MAN2A2: variants seen among roughly 807,000 people sequenced by gnomAD.
MAN2A2 encodes mannosidase alpha class 2A member 2.
MAN2A2 carries 79 observed loss-of-function variants against 126.8 expected under a neutral mutation model. The ratio of observed to expected loss-of-function variants is 0.62; its 90% CI spans 0.52 to 0.75. The LOEUF (loss-of-function observed/expected upper bound fraction) is 0.75, where lower values mean the gene tolerates loss of function less well. MAN2A2 is among the 30% of genes least tolerant of loss of function. The pLI is 0.00. For missense variants in MAN2A2, 1,392 were observed against 1,522.4 expected (o/e 0.91, Z 1.43); for synonymous variants, 671 against 618.7 (o/e 1.08, Z -1.25).
chr15:90,906,115 A>G, intron 5 of MAN2A2, 99 bp downstream of exon 5: 2 of 1,512,566 alleles, frequency 1.3e-6, no homozygotes, highest in East Asian at 4.5e-5. Flanking sequence ...TGGCAGGGAG[A>G]GGCCCAGAGA....
intron 19 of MAN2A2, 166 bp from the exon 20 acceptor site, chr15:90,915,957 A>G: frequency 3.1e-6 from 2 of 640,944 alleles, no homozygotes; most frequent in Non-Finnish European, 2.6e-6. Context: ...GCCCCTCATC[A>G]GGTTCCCTCC....
intron 19 of MAN2A2, among the ~76,000 whole-genome samples, chr15:90,914,388 C>A (rs2035010464): frequency 6.6e-6 from 1 of 152,192 alleles, no homozygotes; most frequent in East Asian, 1.9e-4. Context: ...GGTGTGCAAC[C>A]CTCTTCTGGG....
chr15:90,909,546 C>T (rs1326020809), intron 9 of MAN2A2, 42 bp downstream of exon 9: 1 of 1,570,912 alleles, frequency 6.4e-7, no homozygotes, highest in Admixed American at 1.8e-5. Context: ...CACAGTGCTG[C>T]AGCCCATCCC....
intron 20 of MAN2A2, among the ~76,000 whole-genome samples, chr15:90,916,836 T>C (rs2035225944): frequency 6.6e-6 from 1 of 152,192 alleles, no homozygotes; most frequent in African/African-American, 2.4e-5. Context: ...TCCCAGGAGT[T>C]TACTCGTGAG....
rs149181282 is a variant in MAN2A2, at chr15:90,906,382, C to G, written c.720C>G (p.Asn240Lys). Residue 240 changes from asparagine to lysine, a missense_variant, in exon 6 of 23, where the codon AAC becomes AAG. Transcript: ENST00000559717. Reference protein sequence around the residue: ...KRAAVRRLVGNGQLEIATGGW... With the variant: ...KRAAVRRLVGKGQLEIATGGW... ...TCCTTAACTATAGGCTGGTGGGAAA[C>G]GGGCAGCTGGAGATTGCGACAGGAG... 34 of 1,613,958 alleles carry G rather than the reference C, an allele frequency of 2.1e-5. No individual in the cohort carries two copies. The highest frequency in any genetic ancestry group is 2.7e-5 in the Non-Finnish European group (32 of 1,179,992).
intron 19 of MAN2A2, chr15:90,915,911 A>T: frequency 3.8e-6 from 2 of 528,698 alleles, no homozygotes; most frequent in South Asian, 5.7e-5. Context: ...TCTGGACCTC[A>T]TGCTTCCTCA....
Position 90,910,691 on chromosome 15 carries a change from C to T in MAN2A2, c.1760+8C>T. On this transcript the variant is annotated splice_region_variant and intron_variant, in intron 11 of 22. Coordinates refer to ENST00000559717, the MANE Select transcript of MAN2A2 (RefSeq NM_006122.4). ...GGTGGACTATGGGGTCAGGTGGGAG[C>T]CTTCTCTTTTCCCTTGTAAGCTCCC... 1.2e-6 allele frequency: 2 copies of T among 1,613,282 alleles called. No individual in the cohort carries two copies. The highest frequency in any genetic ancestry group is 8.5e-7 in the Non-Finnish European group (1 of 1,179,848).
Position 90,912,140 on chromosome 15 carries a change from T to G in MAN2A2, c.2207T>G (p.Ile736Ser). Residue 736 changes from isoleucine to serine, a missense_variant, in exon 15 of 23, where the codon ATC (isoleucine) becomes AGC (serine). Physicochemically the swap from Ile to Ser is moderately radical, Grantham distance 142. Coordinates refer to ENST00000559717, the MANE Select transcript of MAN2A2 (RefSeq NM_006122.4). Reference sequence around the variant, plus strand: ...CGCACGCTGCCCTCCTCTGTGCGCATCTACCTGCACGGCCGGCAGCTGTCC... The same window carrying G: ...CGCACGCTGCCCTCCTCTGTGCGCAGCTACCTGCACGGCCGGCAGCTGTCC... The part of the protein sequence containing the change: ...GHRTLPSSVR[I>S]YLHGRQLSVS... The G allele has an allele frequency of 6.2e-7, 1 of 1,613,898 alleles. No individual in the cohort carries two copies. The highest frequency in any genetic ancestry group is 8.5e-7 in the Non-Finnish European group (1 of 1,179,948).
chr15:90,911,313 C>T, intron 13 of MAN2A2, 72 bp from the exon 14 acceptor site: 1 of 1,612,970 alleles, frequency 6.2e-7, no homozygotes, highest in Non-Finnish European at 8.5e-7. Flanking sequence ...CCAGCATGTG[C>T]TGAACCAGTG....
At chr15:90,906,235 A>C in intron 5 of MAN2A2, 135 bp from the exon 6 acceptor site, 1 of 1,320,388 alleles carries the variant, frequency 7.6e-7, no homozygotes. Flanking sequence ...AAGGAGGGCA[A>C]GTGTGTGTTC....
chr15:90,906,229 A>C, intron 5 of MAN2A2, 141 bp from the exon 6 acceptor site: 2 of 1,306,612 alleles, frequency 1.5e-6, no homozygotes, highest in Non-Finnish European at 1.1e-6. Context: ...TAAGGAAAGG[A>C]GGGCAAGTGT....
intron 18 of MAN2A2, 89 bp downstream of exon 18, chr15:90,913,495 G>T: frequency 2.6e-6 from 4 of 1,568,496 alleles, no homozygotes; most frequent in Non-Finnish European, 3.5e-6. Context: ...GGGATGATCT[G>T]CCCTGATGGA....
chr15:90,904,646 G>C (rs1196311734), intron 2 of MAN2A2, among the ~76,000 whole-genome samples: 2 of 150,510 alleles, frequency 1.3e-5, no homozygotes, highest in African/African-American at 4.9e-5. Flanking sequence ...CTTGAGTGCA[G>C]TGGCGCGATC....
In MAN2A2 at chr15:90,919,789, GCTT is replaced by G; in HGVS notation, c.*6_*8del. 6.2e-7 allele frequency: 1 copy of G among 1,614,050 alleles called. No individual in the cohort carries two copies. Among genetic ancestry groups the G allele is most frequent in the Non-Finnish European group, 8.5e-7 (1 of 1,179,968 alleles). ...ACCTTTCGCCTCCGCTTGGGTTAGG[GCTT>G]CTTGTGGCCTGAAGAGAAAGTTCAT... is the stretch of plus-strand genomic sequence containing the variant. On this transcript the variant is annotated 3_prime_UTR_variant, in exon 23 of 23. Coordinates refer to ENST00000559717, the MANE Select transcript of MAN2A2 (RefSeq NM_006122.4).
At chr15:90,904,053 T>C (rs1253934196) in intron 1 of MAN2A2, 137 bp from the exon 2 acceptor site, 2 of 919,612 alleles carry the variant, frequency 2.2e-6, no homozygotes, top group African/African-American at 1.6e-5. Flanking sequence ...GCCTCAGATG[T>C]GCTGCTTGTG....
chr15:90,918,831 C>A, intron 22 of MAN2A2, 76 bp downstream of exon 22: 2 of 1,075,236 alleles, frequency 1.9e-6, no homozygotes, highest in Non-Finnish European at 1.4e-6. Flanking sequence ...GATTCGGTGA[C>A]AGGCTGGGAG....
chr15:90,905,135 C>A, intron 2 of MAN2A2, 116 bp from the exon 3 acceptor site: 1 of 1,145,092 alleles, frequency 8.7e-7, no homozygotes, highest in Non-Finnish European at 1.3e-6. Context: ...GGCTCATGGT[C>A]TGGCTTTGAC....
At chr15:90,904,421 C>T in intron 2 of MAN2A2, 82 bp downstream of exon 2, 1 of 1,448,766 alleles carries the variant, frequency 6.9e-7, no homozygotes. Context: ...GCCGCCTCCC[C>T]TCCCACCCCC....
chr15:90,916,413 T>G (rs1195291684), intron 20 of MAN2A2, 157 bp downstream of exon 20: 3 of 1,153,804 alleles, frequency 2.6e-6, no homozygotes, highest in Non-Finnish European at 3.7e-6. Context: ...TCTGGCGTTT[T>G]GTGTCCCATC....
Sources: allele counts gnomAD v4.1 joint callset (sites outside exome capture counted in the v4.1 genomes callset), GRCh38; gene constraint gnomAD v4.1.1; transcripts MANE v1.5; gene names NCBI Gene and HGNC (gene_info 2026-07-23, HGNC 2026-07-21).